LRBA: variants seen among roughly 807,000 people sequenced by gnomAD.
LRBA encodes the protein lipopolysaccharide-responsive and beige-like anchor protein.
A neutral mutation model predicts 330.0 loss-of-function variants in LRBA; 176 were observed. That is an observed-to-expected ratio of 0.53 (90% CI 0.47 to 0.60). The LOEUF (loss-of-function observed/expected upper bound fraction) is 0.60. Among genes scored for constraint, LRBA ranks in the 20% least tolerant of loss-of-function variants. LRBA has a pLI of 0.00. For missense variants in LRBA, 3,259 were observed against 3,444.8 expected, an observed-to-expected ratio of 0.95 and a Z score of 1.35; for synonymous variants, 1,230 against 1,193.0, an observed-to-expected ratio of 1.03 and a Z score of -0.64.
intron 40 of LRBA, among the ~76,000 whole-genome samples, chr4:150,503,611 CA>C (rs995969051): frequency 6.6e-6 from 1 of 152,048 alleles, no homozygotes; most frequent in East Asian, 1.9e-4. Context: ...CATCAAAGAC[CA>C]AAGGTAGATA....
intron 44 of LRBA, among the ~76,000 whole-genome samples, chr4:150,438,502 T>C (rs1352948241): frequency 6.6e-6 from 1 of 152,046 alleles, no homozygotes; most frequent in Non-Finnish European, 1.5e-5. Flanking sequence ...AATAAATTAA[T>C]AAATAAAAAA....
At chr4:150,769,858 G>T (rs1032065118) in intron 34 of LRBA, among the ~76,000 whole-genome samples, 4 of 152,110 alleles carry the variant, frequency 2.6e-5, no homozygotes, top group African/African-American at 9.7e-5. Flanking sequence ...TAATAACAAG[G>T]TTATAATTCT....
chr4:150,391,866 T>G (rs2151909871), intron 47 of LRBA, among the ~76,000 whole-genome samples: 1 of 151,166 alleles, frequency 6.6e-6, no homozygotes, highest in South Asian at 2.1e-4. Context: ...GCTCACACCC[T>G]TCTAACTGGT....
intron 37 of LRBA, among the ~76,000 whole-genome samples, chr4:150,678,926 T>C (rs2126896911): frequency 6.6e-6 from 1 of 152,300 alleles, no homozygotes; most frequent in East Asian, 1.9e-4. Flanking sequence ...GATGAACTCT[T>C]AGTAAGTAAG....
At chr4:150,639,813 GTGTGTGTA>G (rs1240835576) in intron 37 of LRBA, among the ~76,000 whole-genome samples, 138 of 7,264 alleles carry the variant, frequency 0.019, 24 homozygotes, top group African/African-American at 0.044. Flanking sequence ...ATATGTGTGT[GTGTGTGTA>G]TATATATATA....
intron 12 of LRBA, 35 bp downstream of exon 12, chr4:150,906,262 T>C (rs1731327049): frequency 7.5e-7 from 1 of 1,337,364 alleles, no homozygotes; most frequent in Non-Finnish European, 1.1e-6. Context: ...GCCTGTAAAT[T>C]AAGAATCAAA....
At chr4:150,963,176 C>A (rs1181004374) in intron 2 of LRBA, among the ~76,000 whole-genome samples, 1 of 148,290 alleles carries the variant, frequency 6.7e-6, no homozygotes, top group Non-Finnish European at 1.5e-5. Context: ...GCCTCTCCCC[C>A]TCCCCCTCCC....
At chr4:150,652,127 C>T (rs968304902) in intron 37 of LRBA, among the ~76,000 whole-genome samples, 2 of 152,130 alleles carry the variant, frequency 1.3e-5, no homozygotes, top group East Asian at 1.9e-4. Flanking sequence ...TGAGCCACTA[C>T]GCGGGGCACC....
chr4:150,583,101 G>C lies in LRBA; in HGVS notation c.6330+4947C>G, dbSNP rs778677707. The C allele has an allele frequency of 6.2e-7, 1 of 1,614,062 alleles. No homozygotes were observed. The highest frequency in any genetic ancestry group is 1.3e-5 in the African/African-American group (1 of 74,956). On this transcript the variant is annotated intron_variant, in intron 40 of 56. Transcript: ENST00000651943. This position sits in a 1 kb window ranked among gnomAD's most constrained non-coding sequence, Gnocchi z 9.8. ...ACACTGAGCGCTGTCAGGCGCGCAAGGCGGCCATCGCCAAAACCATCCGAG... is the reference window on the plus strand; with the variant it reads ...ACACTGAGCGCTGTCAGGCGCGCAACGCGGCCATCGCCAAAACCATCCGAG...
At chr4:150,523,725 A>G (rs573076494) in intron 40 of LRBA, among the ~76,000 whole-genome samples, 1 of 152,248 alleles carries the variant, frequency 6.6e-6, no homozygotes, top group East Asian at 1.9e-4. Flanking sequence ...TTCTATGGAA[A>G]TGTGTCACTG....
At chr4:150,763,167 C>T (rs1036768550) in intron 34 of LRBA, among the ~76,000 whole-genome samples, 8 of 152,032 alleles carry the variant, frequency 5.3e-5, no homozygotes, top group African/African-American at 1.4e-4. Context: ...GGAGGGTAGT[C>T]ACTGGCTAGA....
At chr4:150,920,549 C>T (rs1254166717) in intron 5 of LRBA, among the ~76,000 whole-genome samples, 1 of 151,234 alleles carries the variant, frequency 6.6e-6, no homozygotes, top group Non-Finnish European at 1.5e-5. Context: ...AACTCCATCT[C>T]AAAATAAAAA....
At chr4:150,577,322 T>C (rs1205397533) in intron 40 of LRBA, among the ~76,000 whole-genome samples, 1 of 152,036 alleles carries the variant, frequency 6.6e-6, no homozygotes, top group African/African-American at 2.4e-5. Context: ...CTTTTCTTTC[T>C]GTTTTTAGTG....
chr4:150,585,967 A>C (rs1772065276), intron 40 of LRBA, among the ~76,000 whole-genome samples: 1 of 152,146 alleles, frequency 6.6e-6, no homozygotes, highest in Non-Finnish European at 1.5e-5. Context: ...CTGTGTTAAA[A>C]ATATAAACTT....
chr4:150,785,796 A>AC (rs1738968951), intron 34 of LRBA, among the ~76,000 whole-genome samples: 2 of 152,238 alleles, frequency 1.3e-5, no homozygotes, highest in Admixed American at 1.3e-4. Context: ...AGGTACGTTG[A>AC]AAGTAACATA....
At chr4:150,894,207 G>A (rs1212894071) in intron 16 of LRBA, among the ~76,000 whole-genome samples, 3 of 152,074 alleles carry the variant, frequency 2.0e-5, no homozygotes, top group Non-Finnish European at 4.4e-5. Context: ...GTAGGGCTAA[G>A]ATATTATGTA....
At chr4:150,502,752 G>A (rs963016880) in intron 40 of LRBA, among the ~76,000 whole-genome samples, 1 of 152,242 alleles carries the variant, frequency 6.6e-6, no homozygotes, top group Non-Finnish European at 1.5e-5. Context: ...AGCAGGGCAA[G>A]GCATTGCCTT....
rs550915908 is a variant in LRBA at position 150,353,770 on chromosome 4, T to G, written c.7195-3611A>C. Among the ~76,000 whole-genome samples the G allele has an allele frequency of 4.6e-5, 7 of 152,284 alleles. No individual in the cohort carries two copies. The East Asian group carries it at 1.4e-3, about 29-fold the overall frequency. On this transcript the variant is annotated intron_variant, in intron 47 of 56. Transcript: ENST00000651943. ...GGTCAGTCCTTAAGGAGTTGACCAG[T>G]AATTCGCGGAACTATTGGCAAAATC...
At chr4:150,636,848 T>A (rs1391160800) in intron 37 of LRBA, among the ~76,000 whole-genome samples, 2 of 152,072 alleles carry the variant, frequency 1.3e-5, no homozygotes, top group Non-Finnish European at 2.9e-5. Flanking sequence ...AAGTATTACT[T>A]TTGTTGCTCA....
Sources: allele counts gnomAD v4.1 joint callset (sites outside exome capture counted in the v4.1 genomes callset), GRCh38; gene constraint gnomAD v4.1.1; non-coding constraint Gnocchi (gnomAD v3.1); transcripts MANE v1.5; gene names NCBI Gene and HGNC (gene_info 2026-07-23, HGNC 2026-07-21).